The following CAB39L variants were observed in gnomAD, a reference collection of about 807,000 sequenced individuals.
CAB39L encodes calcium binding protein 39 like.
A neutral mutation model predicts 39.1 loss-of-function variants in CAB39L; 23 were observed. That is an observed-to-expected ratio of 0.59 (90% CI 0.42 to 0.83). The LOEUF (loss-of-function observed/expected upper bound fraction) is 0.83, where lower values mean the gene tolerates loss of function less well. Ranked by LOEUF, CAB39L falls within the 40% of genes least tolerant of loss-of-function variation. The probability of loss-of-function intolerance (pLI) is 0.00; values close to 1 mark genes in which losing one functional copy is unlikely to be tolerated. For synonymous variants in CAB39L, 126 were observed against 137.2 expected (o/e 0.92, Z 0.57); for missense variants, 366 against 391.9 (o/e 0.93, Z 0.56).
intron 3 of CAB39L, among the ~76,000 whole-genome samples, chr13:49,431,856 T>TCC (rs1337133432): frequency 6.6e-6 from 1 of 152,216 alleles, no homozygotes; most frequent in African/African-American, 2.4e-5. Flanking sequence ...TCTTTATCTG[T>TCC]ATTAGCTAAA....
intron 3 of CAB39L, among the ~76,000 whole-genome samples, chr13:49,432,736 G>C (rs1298530944): frequency 6.6e-6 from 1 of 152,140 alleles, no homozygotes; most frequent in African/African-American, 2.4e-5. Flanking sequence ...CACTTGTGGA[G>C]TTTTAGAAAC....
intron 3 of CAB39L, among the ~76,000 whole-genome samples, chr13:49,429,488 C>G (rs577918508): frequency 6.6e-6 from 1 of 152,314 alleles, no homozygotes; most frequent in Admixed American, 6.5e-5. Context: ...CTCTCATAGT[C>G]AATCCTATCA....
At chr13:49,346,100 G>GAGAGATATAT (rs1555254610) in intron 7 of CAB39L, among the ~76,000 whole-genome samples, 2 of 30,946 alleles carry the variant, frequency 6.5e-5, no homozygotes, top group Non-Finnish European at 5.7e-5. Context: ...ATATATGCTA[G>GAGAGATATAT]ATATATATAT....
intron 6 of CAB39L, among the ~76,000 whole-genome samples, chr13:49,353,210 TA>T (rs1051676419): frequency 6.6e-5 from 10 of 152,206 alleles, no homozygotes; most frequent in Admixed American, 6.5e-4. Context: ...TTTCTCTTAT[TA>T]GAAAAACCTG....
intron 3 of CAB39L, among the ~76,000 whole-genome samples, chr13:49,405,492 G>A (rs1956851506): frequency 6.6e-6 from 1 of 151,184 alleles, no homozygotes; most frequent in Admixed American, 6.6e-5. Flanking sequence ...CTGGTCATCT[G>A]GGCCAGGCAC....
At chr13:49,311,554 C>T (rs1953988685) in intron 10 of CAB39L, among the ~76,000 whole-genome samples, 1 of 152,156 alleles carries the variant, frequency 6.6e-6, no homozygotes, top group African/African-American at 2.4e-5. Context: ...GAGGTGACAC[C>T]TCCATGGGTG....
At chr13:49,438,207 G>A (rs962371789) in intron 1 of CAB39L, among the ~76,000 whole-genome samples, 5 of 152,150 alleles carry the variant, frequency 3.3e-5, no homozygotes, top group East Asian at 1.9e-4. Flanking sequence ...CAGCTTCAAG[G>A]GCTTTTTTCT....
At chr13:49,393,051 T>G (rs909201808) in intron 3 of CAB39L, 13 of 152,140 alleles carry the variant, frequency 8.5e-5, no homozygotes, top group Non-Finnish European at 1.6e-4. Context: ...ACAATCACGC[T>G]ATCATTACCA....
At chr13:49,351,262 T>TTGTGTGTGTGTG (rs3035410) in intron 6 of CAB39L, 1,494 of 149,294 alleles carry the variant, frequency 0.01, 14 homozygotes, top group African/African-American at 0.022. Flanking sequence ...GGTGACTAAA[T>TTGTGTGTGTGTG]TGTGTGTGTG....
chr13:49,326,080 CT>C (rs1256453347), intron 10 of CAB39L, among the ~76,000 whole-genome samples: 2 of 152,212 alleles, frequency 1.3e-5, no homozygotes, highest in Non-Finnish European at 2.9e-5. Context: ...CTGGCCATGC[CT>C]GAGTTCCAGC....
chr13:49,377,750 A>G (rs1171877155), intron 4 of CAB39L, among the ~76,000 whole-genome samples: 1 of 81,730 alleles, frequency 1.2e-5, no homozygotes, highest in African/African-American at 7.4e-5. Flanking sequence ...TACAACCTAC[A>G]CCTCCCAGCC....
rs1397890711 is a variant in CAB39L at position 49,314,786 on chromosome 13, T to C, written c.835-3793A>G. Reference sequence around the variant, plus strand: ...CTCTCTGTACCTCAGTTTCTTCATCTGAAAAATGGGGATGATAACAGTACC... The same window carrying C: ...CTCTCTGTACCTCAGTTTCTTCATCCGAAAAATGGGGATGATAACAGTACC... On this transcript the variant is annotated intron_variant, in intron 10 of 10. Coordinates refer to ENST00000409308, the MANE Select transcript of CAB39L (RefSeq NM_001079670.3). Among the ~76,000 whole-genome samples, 4 of 152,184 alleles carry C rather than the reference T, an allele frequency of 2.6e-5. No individual in the cohort carries two copies. The South Asian group carries it at 8.3e-4, about 32-fold the overall frequency.
intron 10 of CAB39L, among the ~76,000 whole-genome samples, chr13:49,328,264 T>C (rs893685171): frequency 6.6e-6 from 1 of 152,232 alleles, no homozygotes; most frequent in African/African-American, 2.4e-5. Flanking sequence ...AAATCTGATA[T>C]GGTTGGACAT....
intron 5 of CAB39L, among the ~76,000 whole-genome samples, chr13:49,373,624 A>C (rs112263226): frequency 1.3e-5 from 2 of 152,342 alleles, no homozygotes; most frequent in African/African-American, 4.8e-5. Context: ...GCTCACTGGT[A>C]TGTCCCAATA....
At chr13:49,419,857 T>C (rs538731231) in intron 3 of CAB39L, among the ~76,000 whole-genome samples, 59 of 152,272 alleles carry the variant, frequency 3.9e-4, no homozygotes, top group Admixed American at 9.2e-4. Flanking sequence ...CCATATCATA[T>C]AGAAGAATGC....
chr13:49,389,283 C>T (rs1376471819), intron 3 of CAB39L, among the ~76,000 whole-genome samples: 1 of 152,124 alleles, frequency 6.6e-6, no homozygotes, highest in African/African-American at 2.4e-5. Flanking sequence ...TTCATTGCAA[C>T]CTTATTTACA....
chr13:49,373,806 G>A (rs1434073753), intron 5 of CAB39L, among the ~76,000 whole-genome samples: 2 of 152,210 alleles, frequency 1.3e-5, no homozygotes, highest in Non-Finnish European at 2.9e-5. Flanking sequence ...AAGAGACATG[G>A]GGGTGGGGGT....
rs1195517208 is a variant in CAB39L, at chr13:49,434,150, A to T, written c.-172T>A. On this transcript the variant is annotated 5_prime_UTR_variant, in exon 2 of 11. An upstream start codon of the reference 5' UTR is lost. Coordinates refer to ENST00000409308, the MANE Select transcript of CAB39L (RefSeq NM_001079670.3). The stretch of plus-strand genomic sequence containing the variant: ...AACAAACCACTGATTTGGGGTTCGC[A>T]TCTTTACGTTCTGAACAGCAACTTA... The T allele has an allele frequency of 2.2e-6, 1 of 457,000 alleles. No individual in the cohort carries two copies. Among genetic ancestry groups the T allele is most frequent in the Admixed American group, 2.4e-5 (1 of 42,544 alleles). 28.3% of individuals were successfully genotyped at this position (457,000 alleles called of 1,614,324 possible). A position where few individuals can be genotyped will look rare whatever the true frequency, so the allele number is the denominator to read the frequency against.
At chr13:49,404,347 G>T (rs745692854) in intron 3 of CAB39L, among the ~76,000 whole-genome samples, 1 of 151,994 alleles carries the variant, frequency 6.6e-6, no homozygotes, top group Non-Finnish European at 1.5e-5. Context: ...AAATTTGGCT[G>T]CAGTGACCAA....
Sources: gnomAD v4.1 joint callset for allele counts (sites outside exome capture counted in the v4.1 genomes callset) on GRCh38, gnomAD v4.1.1 for gene constraint, MANE v1.5 for transcripts, NCBI Gene and HGNC (gene_info 2026-07-23, HGNC 2026-07-21) for gene names.